Variants in NBEA observed in about 807,000 individuals in gnomAD.
NBEA encodes the protein neurobeachin.
Under a neutral mutation model 343.4 loss-of-function variants are expected in NBEA, and 44 were observed. That is an observed-to-expected ratio of 0.13 (90% CI 0.10 to 0.16). NBEA has a LOEUF of 0.16. Ranked by LOEUF, NBEA falls within the 10% of genes least tolerant of loss-of-function variation. The pLI is 1.00. For synonymous variants in NBEA, 1,175 were observed against 1,238.7 expected (o/e 0.95, Z 1.08); for missense variants, 2,555 against 3,631.3 (o/e 0.70, Z 7.62).
intron 38 of NBEA, among the ~76,000 whole-genome samples, chr13:35,360,093 A>T (rs1289921368): frequency 6.6e-6 from 1 of 151,986 alleles, no homozygotes; most frequent in East Asian, 1.9e-4. Context: ...CAGCTAAGTA[A>T]TAGAGACAGG....
chr13:35,184,210 C>A, intron 30 of NBEA, 139 bp downstream of exon 30: 1 of 547,722 alleles, frequency 1.8e-6, no homozygotes, highest in Non-Finnish European at 3.1e-6. Context: ...TGTATTTATA[C>A]CTAGCTATTG....
intron 11 of NBEA, among the ~76,000 whole-genome samples, chr13:35,106,714 C>T (rs1294553282): frequency 6.6e-6 from 1 of 151,372 alleles, no homozygotes; most frequent in Non-Finnish European, 1.5e-5. Flanking sequence ...TTTTAGAATG[C>T]AAATCTGCTA....
chr13:35,481,476 G>A (rs942505226), intron 41 of NBEA, among the ~76,000 whole-genome samples: 1 of 151,746 alleles, frequency 6.6e-6, no homozygotes, highest in Non-Finnish European at 1.5e-5. Context: ...ATGGGGAAAG[G>A]GAGGTTATCA....
chr13:35,136,502 C>T (rs193102681), intron 17 of NBEA, among the ~76,000 whole-genome samples: 2 of 152,066 alleles, frequency 1.3e-5, no homozygotes, highest in African/African-American at 4.8e-5. Context: ...AAAAGCACAC[C>T]ATCTTCTAGG....
chr13:35,116,557 A>T (rs1428957399), intron 13 of NBEA, among the ~76,000 whole-genome samples: 1 of 152,128 alleles, frequency 6.6e-6, no homozygotes, highest in East Asian at 1.9e-4. Flanking sequence ...GATTTTTTGG[A>T]TAATAACTTG....
chr13:35,561,504 T>C (rs1322948458), intron 44 of NBEA, among the ~76,000 whole-genome samples: 1 of 152,188 alleles, frequency 6.6e-6, no homozygotes, highest in African/African-American at 2.4e-5. Flanking sequence ...ATTAAAACAG[T>C]ACCAAACTGT....
intron 41 of NBEA, among the ~76,000 whole-genome samples, chr13:35,496,377 A>G (rs1484145778): frequency 6.6e-6 from 1 of 151,888 alleles, no homozygotes; most frequent in Non-Finnish European, 1.5e-5. Context: ...GCTCACTCAT[A>G]TAATCCCAAT....
chr13:35,330,736 T>C (rs1323495109), intron 36 of NBEA, among the ~76,000 whole-genome samples: 1 of 152,070 alleles, frequency 6.6e-6, no homozygotes, highest in Non-Finnish European at 1.5e-5. Flanking sequence ...GAATAATTGA[T>C]AGATTTTATC....
intron 36 of NBEA, among the ~76,000 whole-genome samples, chr13:35,338,679 C>T (rs1363701230): frequency 6.6e-6 from 1 of 152,024 alleles, no homozygotes; most frequent in African/African-American, 2.4e-5. Flanking sequence ...AAACCGGTAT[C>T]TACCACGCTA....
chr13:35,074,239 TC>T (rs34089888), intron 10 of NBEA, among the ~76,000 whole-genome samples: 1 of 152,176 alleles, frequency 6.6e-6, no homozygotes, highest in Non-Finnish European at 1.5e-5. Flanking sequence ...AACTTTATTT[TC>T]CTTTGAATTG....
intron 8 of NBEA, among the ~76,000 whole-genome samples, chr13:35,067,371 T>A (rs1457288122): frequency 6.6e-6 from 1 of 152,146 alleles, no homozygotes; most frequent in African/African-American, 2.4e-5. Flanking sequence ...ATACTCTACT[T>A]ATTTGAGTGT....
chr13:35,206,639 A>G (rs533300619), intron 31 of NBEA, among the ~76,000 whole-genome samples: 2 of 151,798 alleles, frequency 1.3e-5, no homozygotes, highest in South Asian at 2.1e-4. Context: ...AGACAAAAAT[A>G]TATTTCACTT....
chr13:35,563,138 GATAGAT>G (rs1566326576), intron 44 of NBEA, among the ~76,000 whole-genome samples: 4,257 of 131,970 alleles, frequency 0.032, 83 homozygotes, highest in South Asian at 0.11. Flanking sequence ...TGTGGAGATA[GATAGAT>G]AGATAGATAG....
At chr13:34,988,765 A>G (rs985975567) in intron 1 of NBEA, among the ~76,000 whole-genome samples, 3 of 150,812 alleles carry the variant, frequency 2.0e-5, no homozygotes, top group Admixed American at 6.6e-5. Flanking sequence ...TTGTTGCACA[A>G]TCTGTCTTGT....
rs191043493 is a variant in NBEA, at chr13:35,420,192, C to T, written c.6180-12077C>T. ...AGAGTGGTAACAGCAGACATCTTTG[C>T]CTTATTCCCAGTTTTAGGTGGAGAA... On this transcript the variant is annotated intron_variant, in intron 38 of 58. Coordinates refer to ENST00000379939, the MANE Select transcript of NBEA (RefSeq NM_001385012.1). Among the ~76,000 whole-genome samples the T allele has an allele frequency of 1.4e-4, 21 of 152,120 alleles. No homozygotes were observed. In the South Asian group the frequency reaches 1.7e-3, roughly 12 times the overall value.
At chr13:34,997,907 C>G (rs375486366) in intron 1 of NBEA, among the ~76,000 whole-genome samples, 9 of 152,128 alleles carry the variant, frequency 5.9e-5, no homozygotes, top group African/African-American at 1.9e-4. Context: ...TTATTATAAT[C>G]AAACCAATGA....
chr13:35,566,908 G>T lies in NBEA; in HGVS notation c.6926G>T (p.Arg2309Leu). 1 of 1,568,782 alleles carries T rather than the reference G, an allele frequency of 6.4e-7. No homozygotes were observed. Among genetic ancestry groups the T allele is most frequent in the Non-Finnish European group, 8.7e-7 (1 of 1,146,458 alleles). The change falls in exon 45 of 59, where the codon CGG (arginine) becomes CTG (leucine). Residue 2309 changes from arginine to leucine, a missense_variant. Physicochemically the swap from Arg to Leu is moderately radical, Grantham distance 102. This residue lies in a region of NBEA where 38 missense variants were observed against 97.2 expected (regional missense o/e 0.39). Transcript: ENST00000379939. ...YLMFLNTIAGRTYNDLNQYPV... is the reference protein window; with the variant it reads ...YLMFLNTIAGLTYNDLNQYPV... ...TATTTCTGTTTTTCTTTACTAGGAC[G>T]GACATATAATGATCTGAACCAATAT...
In NBEA at chr13:35,021,580, G is replaced by A. The variant is rs561870629; in HGVS notation, c.295-19353G>A. The stretch of plus-strand genomic sequence containing the variant: ...CTGGTTTTGGATTAATTGAATATTT[G>A]TTATGACTTAATTTTACACATACTC... On this transcript the variant is annotated intron_variant, in intron 1 of 58. Transcript: ENST00000379939. Among the ~76,000 whole-genome samples, 9 of 150,884 alleles carry A rather than the reference G, an allele frequency of 6.0e-5. No homozygotes were observed. The South Asian group carries it at 1.5e-3, about 25-fold the overall frequency.
chr13:35,139,974 A>C (rs2152693484), intron 17 of NBEA, among the ~76,000 whole-genome samples: 1 of 152,162 alleles, frequency 6.6e-6, no homozygotes, highest in East Asian at 1.9e-4. Context: ...CTGAAGTAGT[A>C]GTGGCACAGT....
Sources: allele counts gnomAD v4.1 joint callset (sites outside exome capture counted in the v4.1 genomes callset), GRCh38; gene constraint gnomAD v4.1.1; regional missense constraint gnomAD v4.1.1; transcripts MANE v1.5; gene names NCBI Gene and HGNC (gene_info 2026-07-23, HGNC 2026-07-21).